PNLDC1: variants seen among roughly 807,000 people sequenced by gnomAD.
The protein encoded by PNLDC1 is poly(A)-specific ribonuclease PNLDC1.
A neutral mutation model predicts 82.0 loss-of-function variants in PNLDC1; 70 were observed. The observed-to-expected ratio is 0.85, with a 90% CI of 0.70 to 1.04. PNLDC1 has a LOEUF of 1.04. Ranked by LOEUF, PNLDC1 falls within the 50% of genes least tolerant of loss-of-function variation. The pLI, the probability that PNLDC1 is intolerant of heterozygous loss-of-function variation, is 0.00. For synonymous variants in PNLDC1, 280 were observed against 249.3 expected (o/e 1.12, Z -1.16); for missense variants, 631 against 661.1 (o/e 0.95, Z 0.50).
In PNLDC1 at chr6:159,820,306, G is replaced by A. The variant is rs1022996793; in HGVS notation, c.1533-148G>A. ...TCCCAGAGCCAGCCTAACCTCGAGA[G>A]GCAGAAGTTCAGTGTTGTCGTCGGG... On this transcript the variant is annotated intron_variant, in intron 18 of 18. Transcript: ENST00000392167. 5 of 740,548 alleles carry A rather than the reference G, an allele frequency of 6.8e-6. No individual in the cohort carries two copies. The African/African-American group carries it at 8.7e-5, about 13-fold the overall frequency. The allele number at this position is 740,548 out of a possible 1,614,324, so 45.9% of individuals were successfully genotyped here. A position where few individuals can be genotyped will look rare whatever the true frequency, so the allele number is the denominator to read the frequency against.
intron 12 of PNLDC1, among the ~76,000 whole-genome samples, chr6:159,814,064 C>G (rs1021954626): frequency 2.0e-5 from 3 of 152,178 alleles, no homozygotes; most frequent in African/African-American, 7.2e-5. Context: ...CCACCTCTTT[C>G]TGTCTCCCTC....
chr6:159,815,757 G>C lies in PNLDC1; in HGVS notation c.996-212G>C, dbSNP rs114736128. 7.8e-3 allele frequency among the ~76,000 whole-genome samples: 1,194 copies of C among 152,216 alleles called. 13 individuals carry two copies. Among genetic ancestry groups the C allele is most frequent in the African/African-American group, 0.026 (1,098 of 41,518 alleles). ...GTGAAGCATTTGATAAATGCCTGGA[G>C]TAACTCCACTGGGGCCTCCTGCACC... On this transcript the variant is annotated intron_variant, in intron 12 of 18. Coordinates refer to ENST00000392167, the MANE Select transcript of PNLDC1 (RefSeq NM_001271862.2).
At chr6:159,817,594 G>A (rs1170471095) in intron 15 of PNLDC1, among the ~76,000 whole-genome samples, 1 of 152,240 alleles carries the variant, frequency 6.6e-6, no homozygotes, top group African/African-American at 2.4e-5. Flanking sequence ...GGAGAGATTA[G>A]TGGAACCCCA....
chr6:159,809,277 T>A, intron 9 of PNLDC1, 119 bp downstream of exon 9: 1 of 1,337,084 alleles, frequency 7.5e-7, no homozygotes, highest in Non-Finnish European at 1.0e-6. Context: ...TTCCTTCTCA[T>A]GAATTTTTTC....
At chr6:159,811,664 C>A (rs139114773) in intron 10 of PNLDC1, 37 bp from the exon 11 acceptor site, 2 of 1,558,096 alleles carry the variant, frequency 1.3e-6, no homozygotes, top group Non-Finnish European at 1.8e-6. Flanking sequence ...TGCCAACAAA[C>A]AAATTCACTC....
At chr6:159,813,384 G>C (rs1239815267) in intron 11 of PNLDC1, among the ~76,000 whole-genome samples, 1 of 152,016 alleles carries the variant, frequency 6.6e-6, no homozygotes, top group Non-Finnish European at 1.5e-5. Flanking sequence ...TTTTTTTCTA[G>C]CCTAGGTTTT....
At chr6:159,818,221 C>T (rs1781901034) in intron 15 of PNLDC1, among the ~76,000 whole-genome samples, 1 of 152,124 alleles carries the variant, frequency 6.6e-6, no homozygotes, top group Non-Finnish European at 1.5e-5. Flanking sequence ...TGATGTCTTA[C>T]CAAGGGGGGA....
chr6:159,815,866 A>C lies in PNLDC1; in HGVS notation c.996-103A>C. 3.5e-6 allele frequency: 3 copies of C among 850,080 alleles called. No individual in the cohort carries two copies. The South Asian group carries it at 4.6e-5, about 13-fold the overall frequency. 52.7% of individuals were successfully genotyped at this position (850,080 alleles called of 1,614,324 possible). ...ATTTGCACCTTAAAGATATGTCCTC[A>C]GTACATTTAAAAAATTTATATTAAC... On this transcript the variant is annotated intron_variant, in intron 12 of 18. Transcript: ENST00000392167.
chr6:159,799,714 T>G (rs1189488941), upstream of PNLDC1, among the ~76,000 whole-genome samples: 2 of 152,154 alleles, frequency 1.3e-5, no homozygotes, highest in Non-Finnish European at 2.9e-5. Flanking sequence ...GGACCAAGGA[T>G]TCCTTCAATT....
At chr6:159,814,290 G>A (rs1781743657) in intron 12 of PNLDC1, among the ~76,000 whole-genome samples, 1 of 152,122 alleles carries the variant, frequency 6.6e-6, no homozygotes, top group African/African-American at 2.4e-5. Context: ...CTGGATGTGT[G>A]TGTGCGATTT....
At chr6:159,802,250 C>T (rs1281973087) in intron 3 of PNLDC1, among the ~76,000 whole-genome samples, 1 of 152,196 alleles carries the variant, frequency 6.6e-6, no homozygotes, top group Non-Finnish European at 1.5e-5. Context: ...TTTACAGAAA[C>T]AGACCCTGGG....
intron 7 of PNLDC1, 45 bp from the exon 8 acceptor site, chr6:159,808,695 C>A: frequency 6.4e-7 from 1 of 1,551,026 alleles, no homozygotes; most frequent in Non-Finnish European, 8.8e-7. Flanking sequence ...GGGAACATGC[C>A]ACACGGTTCC....
At chr6:159,818,050 A>C (rs1198180339) in intron 15 of PNLDC1, among the ~76,000 whole-genome samples, 1 of 152,104 alleles carries the variant, frequency 6.6e-6, no homozygotes, top group Non-Finnish European at 1.5e-5. Flanking sequence ...CACATCTTTT[A>C]TTTCTTTTAA....
Position 159,811,784 on chromosome 6 carries a change from A to G in PNLDC1, c.937A>G (p.Lys313Glu). 2 of 1,605,594 alleles carry G rather than the reference A, an allele frequency of 1.2e-6. No individual in the cohort carries two copies. Among genetic ancestry groups the G allele is most frequent in the Non-Finnish European group, 1.7e-6 (2 of 1,172,346 alleles). ...DTKSVTKDIW[K>E]EMNFPRVSNL... ...CAAGAGTGTAACAAAGGATATCTGG[A>G]AGGTAATGAATAGAACTGCTTTGGG... The change falls in exon 11 of 19, where the codon AAG becomes GAG. Residue 313 changes from lysine (K) to glutamate (E), a missense_variant and splice_region_variant. By Grantham distance (56) the Lys-to-Glu change is moderately conservative (BLOSUM62 1). Coordinates refer to ENST00000392167, the MANE Select transcript of PNLDC1 (RefSeq NM_001271862.2).
At chr6:159,803,891 C>A in intron 4 of PNLDC1, 74 bp from the exon 5 acceptor site, 3 of 1,518,518 alleles carry the variant, frequency 2.0e-6, no homozygotes, top group Non-Finnish European at 1.8e-6. Context: ...AAGAGCCCAC[C>A]CTGAAGCCAG....
chr6:159,804,409 A>G, intron 5 of PNLDC1, 140 bp from the exon 6 acceptor site: 2 of 662,418 alleles, frequency 3.0e-6, no homozygotes, highest in East Asian at 2.7e-5. Flanking sequence ...CGGCCTGGGA[A>G]TGTCTTACAA....
At chr6:159,807,527 A>G (rs1781491902) in intron 7 of PNLDC1, among the ~76,000 whole-genome samples, 1 of 152,270 alleles carries the variant, frequency 6.6e-6, no homozygotes, top group South Asian at 2.1e-4. Flanking sequence ...GCTTCCCAGT[A>G]CCACAACCTT....
At chr6:159,803,804 A>G (rs1781348153) in intron 4 of PNLDC1, among the ~76,000 whole-genome samples, 161 bp from the exon 5 acceptor site, 1 of 152,078 alleles carries the variant, frequency 6.6e-6, no homozygotes, top group Non-Finnish European at 1.5e-5. Context: ...TTTTTCATTT[A>G]GCACCCCCAG....
intron 7 of PNLDC1, among the ~76,000 whole-genome samples, chr6:159,806,405 A>G (rs1483715347): frequency 6.6e-6 from 1 of 152,160 alleles, no homozygotes; most frequent in Admixed American, 6.5e-5. Flanking sequence ...TTCCCCCAGC[A>G]TGTGGTGTGG....
Sources: allele counts gnomAD v4.1 joint callset (sites outside exome capture counted in the v4.1 genomes callset), GRCh38; gene constraint gnomAD v4.1.1; transcripts MANE v1.5; gene names NCBI Gene and HGNC (gene_info 2026-07-23, HGNC 2026-07-21).